The following LRRC4C variants were observed in gnomAD, a reference collection of about 807,000 sequenced individuals.
LRRC4C encodes the protein leucine rich repeat containing 4C.
Under a neutral mutation model 33.6 loss-of-function variants are expected in LRRC4C, and 5 were observed. That is an observed-to-expected ratio of 0.15 (90% CI 0.08 to 0.31). The LOEUF (loss-of-function observed/expected upper bound fraction) is 0.31, where lower values mean the gene tolerates loss of function less well. Among genes scored for constraint, LRRC4C ranks in the 10% least tolerant of loss-of-function variants. The pLI, the probability that LRRC4C is intolerant of heterozygous loss-of-function variation, is 1.00. For missense variants in LRRC4C, 560 were observed against 796.7 expected (o/e 0.70, Z 3.58); for synonymous variants, 329 against 302.0 (o/e 1.09, Z -0.93).
rs547053564 is a variant in LRRC4C, at chr11:41,161,512, C to T, written c.-495-227789G>A. Among the ~76,000 whole-genome samples, 4 of 152,272 alleles carry T rather than the reference C, an allele frequency of 2.6e-5. No homozygotes were observed. In the East Asian group the frequency reaches 7.7e-4, roughly 29 times the overall value. On this transcript the variant is annotated intron_variant, in intron 1 of 6. Coordinates refer to ENST00000528697, the MANE Select transcript of LRRC4C (RefSeq NM_001258419.2). The stretch of plus-strand genomic sequence containing the variant: ...CACTGATATTAAGTACCTTTTCCAT[C>T]TTCACAAGATTCCTACAGGCATCTT...
At chr11:40,694,357 C>T (rs964164711) in intron 2 of LRRC4C, among the ~76,000 whole-genome samples, 7 of 152,020 alleles carry the variant, frequency 4.6e-5, no homozygotes, top group Admixed American at 2.6e-4. Context: ...CTGGCTATTT[C>T]GTTTTTACCC....
chr11:41,160,588 A>G (rs1293205742), intron 1 of LRRC4C, among the ~76,000 whole-genome samples: 1 of 152,164 alleles, frequency 6.6e-6, no homozygotes, highest in African/African-American at 2.4e-5. Flanking sequence ...TTAGTCTTAA[A>G]AAGCTTGGAA....
intron 3 of LRRC4C, among the ~76,000 whole-genome samples, chr11:40,431,394 C>CAAAA (rs572317927): frequency 0.086 from 10,739 of 125,082 alleles, 1,076 homozygotes; most frequent in African/African-American, 0.23. Flanking sequence ...GACTCTGTCT[C>CAAAA]AAAAAAAAAA....
intron 2 of LRRC4C, among the ~76,000 whole-genome samples, chr11:40,873,928 C>T (rs1954765302): frequency 6.6e-6 from 1 of 152,100 alleles, no homozygotes; most frequent in Admixed American, 6.6e-5. Flanking sequence ...TTTGTAAAAA[C>T]CATAGTTCAA....
At chr11:40,178,077 C>A (rs909430457) in intron 5 of LRRC4C, among the ~76,000 whole-genome samples, 1 of 152,128 alleles carries the variant, frequency 6.6e-6, no homozygotes, top group African/African-American at 2.4e-5. Flanking sequence ...GCTCTATCAG[C>A]TTTTATGTTA....
intron 1 of LRRC4C, among the ~76,000 whole-genome samples, chr11:40,969,846 T>C: frequency 6.6e-6 from 1 of 152,190 alleles, no homozygotes; most frequent in East Asian, 1.9e-4. Context: ...AATATCTTTG[T>C]AGCTAATATA....
intron 2 of LRRC4C, among the ~76,000 whole-genome samples, chr11:40,913,548 G>T (rs542085334): frequency 1.6e-4 from 25 of 152,152 alleles, no homozygotes; most frequent in African/African-American, 6.0e-4. Context: ...ATTCAAAGCA[G>T]TGTGTAGAGG....
intron 1 of LRRC4C, among the ~76,000 whole-genome samples, chr11:41,303,666 A>C (rs1431871826): frequency 4.2e-4 from 6 of 14,204 alleles, no homozygotes; most frequent in Non-Finnish European, 8.5e-4. Context: ...AGCCGCCATC[A>C]CATCTAGGAA....
chr11:41,348,705 C>G (rs1458104066), intron 1 of LRRC4C, among the ~76,000 whole-genome samples: 1 of 152,076 alleles, frequency 6.6e-6, no homozygotes, highest in East Asian at 1.9e-4. Flanking sequence ...GGGAAGAAAG[C>G]TGGAAACTCT....
At chr11:41,032,902 C>T (rs1418604782) in intron 1 of LRRC4C, among the ~76,000 whole-genome samples, 1 of 152,008 alleles carries the variant, frequency 6.6e-6, no homozygotes, top group Admixed American at 6.6e-5. Flanking sequence ...TCATAATCAA[C>T]ATACAAGCAT....
At chr11:40,843,992 T>C (rs1274871711) in intron 2 of LRRC4C, among the ~76,000 whole-genome samples, 1 of 152,144 alleles carries the variant, frequency 6.6e-6, no homozygotes, top group Admixed American at 6.6e-5. Context: ...ACTCTAACTT[T>C]GAAAGATGCA....
intron 1 of LRRC4C, among the ~76,000 whole-genome samples, chr11:41,059,349 A>C (rs1035156552): frequency 6.6e-6 from 1 of 151,988 alleles, no homozygotes; most frequent in Non-Finnish European, 1.5e-5. Context: ...ATAAACACAG[A>C]GAAACTTGAT....
chr11:41,434,187 T>A (rs1339393132), intron 1 of LRRC4C, among the ~76,000 whole-genome samples: 1 of 152,140 alleles, frequency 6.6e-6, no homozygotes, highest in African/African-American at 2.4e-5. Context: ...ATTCCCAATT[T>A]ATTTGTAAAC....
chr11:41,458,077 T>C (rs919820300), intron 1 of LRRC4C, among the ~76,000 whole-genome samples: 2 of 152,164 alleles, frequency 1.3e-5, no homozygotes, highest in African/African-American at 4.8e-5. Context: ...CATAAATCTT[T>C]GACCCAGGCA....
At chr11:40,726,633 A>G (rs1433397992) in intron 2 of LRRC4C, among the ~76,000 whole-genome samples, 3 of 152,236 alleles carry the variant, frequency 2.0e-5, no homozygotes, top group Non-Finnish European at 2.9e-5. Context: ...ATCTTGGCCA[A>G]GCCCACAGCC....
At chr11:40,129,389 C>CACCTTTTT in intron 6 of LRRC4C, among the ~76,000 whole-genome samples, 1 of 152,186 alleles carries the variant, frequency 6.6e-6, no homozygotes, top group South Asian at 2.1e-4. Context: ...GTGATAAAGT[C>CACCTTTTT]GGGGAGATTT....
intron 3 of LRRC4C, among the ~76,000 whole-genome samples, chr11:40,625,490 C>G (rs939458626): frequency 3.9e-5 from 6 of 152,080 alleles, no homozygotes; most frequent in Non-Finnish European, 8.8e-5. Flanking sequence ...TTCACTATCA[C>G]GAGAACAGCA....
intron 5 of LRRC4C, among the ~76,000 whole-genome samples, chr11:40,235,637 A>G (rs574318504): frequency 1.3e-5 from 2 of 152,064 alleles, no homozygotes; most frequent in African/African-American, 4.8e-5. Flanking sequence ...TGTTTTCACT[A>G]TAAGAAAAAC....
intron 2 of LRRC4C, among the ~76,000 whole-genome samples, chr11:40,931,010 A>G (rs932285330): frequency 5.3e-5 from 8 of 152,176 alleles, no homozygotes; most frequent in African/African-American, 1.9e-4. Flanking sequence ...AGGTGCTTGT[A>G]GGAAAACTTT....
Sources: allele counts gnomAD v4.1 joint callset (sites outside exome capture counted in the v4.1 genomes callset), GRCh38; gene constraint gnomAD v4.1.1; transcripts MANE v1.5; gene names NCBI Gene and HGNC (gene_info 2026-07-23, HGNC 2026-07-21).